Variants in CARMIL3 observed in about 807,000 individuals in gnomAD.
CARMIL3 encodes the protein capping protein, Arp2/3 and myosin-I linker protein 3.
Under a neutral mutation model 180.8 loss-of-function variants are expected in CARMIL3, and 88 were observed. The ratio of observed to expected loss-of-function variants is 0.49; its 90% CI spans 0.41 to 0.58. The LOEUF (loss-of-function observed/expected upper bound fraction) is 0.58. Among genes scored for constraint, CARMIL3 ranks in the 20% least tolerant of loss-of-function variants. The pLI is 0.00. For missense variants in CARMIL3, 1,548 were observed against 1,787.0 expected, an observed-to-expected ratio of 0.87 and a Z score of 2.41; for synonymous variants, 696 against 714.5, an observed-to-expected ratio of 0.97 and a Z score of 0.41.
In CARMIL3 at chr14:24,065,640, C is replaced by G. The variant is rs2035779239; in HGVS notation, c.3415C>G (p.Pro1139Ala). ...GTTCTAGGGCACTGAGGGGTCAGAG[C>G]CAGGGGAGGGGGGCCCAGCCCCTGG... ...RRKMGTEGSE[P>A]GEGGPAPGTA... Residue 1139 changes from proline (P) to alanine (A), a missense_variant, in exon 34 of 40, where the codon CCA (proline) becomes GCA (alanine). Coordinates refer to ENST00000342740, the MANE Select transcript of CARMIL3 (RefSeq NM_138360.4). 3.1e-6 allele frequency: 5 copies of G among 1,612,590 alleles called. No homozygotes were observed. The highest frequency in any genetic ancestry group is 4.2e-6 in the Non-Finnish European group (5 of 1,179,292).
chr14:24,067,668 C>G (rs544436847), intron 36 of CARMIL3, among the ~76,000 whole-genome samples: 1 of 152,398 alleles, frequency 6.6e-6, no homozygotes, highest in South Asian at 2.1e-4. Context: ...TTTTTCCATC[C>G]CATACACAGG....
rs189072924 is a variant in CARMIL3 at position 24,059,789 on chromosome 14, C to G, written c.1868+57C>G. 4.3e-4 allele frequency: 683 copies of G among 1,584,518 alleles called. 1 individual carries two copies. The highest frequency in any genetic ancestry group is 5.4e-4 in the Non-Finnish European group (623 of 1,154,472). ...GTCCCCAGCCTCCCTGTGCCTGGATCAGGCCTGAACTACTCTTGCCCCACC... is the reference window on the plus strand; with the variant it reads ...GTCCCCAGCCTCCCTGTGCCTGGATGAGGCCTGAACTACTCTTGCCCCACC... On this transcript the variant is annotated intron_variant, in intron 22 of 39. Coordinates refer to ENST00000342740, the MANE Select transcript of CARMIL3 (RefSeq NM_138360.4). This position sits in a 1 kb window ranked among gnomAD's most constrained non-coding sequence, Gnocchi z 6.3.
chr14:24,065,679 C>T lies in CARMIL3; in HGVS notation c.3454C>T (p.Pro1152Ser), dbSNP rs772711839. 1.5e-5 allele frequency: 24 copies of T among 1,613,884 alleles called. No homozygotes were observed. Among genetic ancestry groups the T allele is most frequent in the Non-Finnish European group, 1.9e-5 (23 of 1,179,950 alleles). The change falls in exon 34 of 40, where the codon CCA (proline) becomes TCA (serine). Residue 1152 changes from proline to serine, a missense_variant. Transcript: ENST00000342740. ...GGPAPGTAQQPRVHGVALPGL... is the reference protein window; with the variant it reads ...GGPAPGTAQQSRVHGVALPGL... Reference sequence around the variant, plus strand: ...CCCAGCCCCTGGGACAGCACAGCAGCCAAGGGTTCACGGTGTTGCCCTTCC... The same window carrying T: ...CCCAGCCCCTGGGACAGCACAGCAGTCAAGGGTTCACGGTGTTGCCCTTCC...
chr14:24,069,502 T>C lies in CARMIL3; in HGVS notation c.*98T>C, dbSNP rs1360392031. On this transcript the variant is annotated 3_prime_UTR_variant, in exon 40 of 40. Coordinates refer to ENST00000342740, the MANE Select transcript of CARMIL3 (RefSeq NM_138360.4). ...CCCCAGGGCCCCCTGCCAGCCCCTG[T>C]CCTACAGGGGCAAGACGGCAGGACC... The C allele has an allele frequency of 5.3e-6, 8 of 1,520,622 alleles. No homozygotes were observed. The highest frequency in any genetic ancestry group is 1.2e-5 in the South Asian group (1 of 86,424). 94.2% of individuals were successfully genotyped at this position (1,520,622 alleles called of 1,614,324 possible).
At chr14:24,064,558 G>C (rs2035765935) in intron 32 of CARMIL3, among the ~76,000 whole-genome samples, 1 of 152,212 alleles carries the variant, frequency 6.6e-6, no homozygotes, top group Admixed American at 6.5e-5. Context: ...AATGGGGCCA[G>C]AGTGAACCAC....
chr14:24,065,290 G>A lies in CARMIL3; in HGVS notation c.3396+17G>A, dbSNP rs755569490. ...CGGAAGATGGTAAGTGAGGCAGGGG[G>A]TGCTGTGTCTTCCCCTTTTCCTGCC... On this transcript the variant is annotated intron_variant, in intron 33 of 39. Coordinates refer to ENST00000342740, the MANE Select transcript of CARMIL3 (RefSeq NM_138360.4). The A allele has an allele frequency of 6.6e-7, 1 of 1,506,246 alleles. No individual in the cohort carries two copies. 93.3% of individuals were successfully genotyped at this position (1,506,246 alleles called of 1,614,324 possible).
chr14:24,053,079 CACTAT>C (rs1163894954), intron 1 of CARMIL3, among the ~76,000 whole-genome samples: 22 of 152,140 alleles, frequency 1.4e-4, no homozygotes, highest in African/African-American at 5.1e-4. Context: ...CACACACACA[CACTAT>C]ATCTGGGTGG....
chr14:24,059,018 C>T lies in CARMIL3; in HGVS notation c.1571+32C>T. 1.2e-6 allele frequency: 2 copies of T among 1,610,994 alleles called. No homozygotes were observed. The highest frequency in any genetic ancestry group is 2.2e-5 in the South Asian group (2 of 90,750). On this transcript the variant is annotated intron_variant, in intron 19 of 39. Transcript: ENST00000342740. This position sits in a 1 kb window ranked among gnomAD's most constrained non-coding sequence, Gnocchi z 6.3. ...CCCCCTTTCCATGCCCACAGACCCT[C>T]ATCCCATCATTCACCCATCCTCTTG...
chr14:24,067,490 G>A (rs149224181), intron 36 of CARMIL3, among the ~76,000 whole-genome samples: 6 of 152,372 alleles, frequency 3.9e-5, no homozygotes, highest in East Asian at 1.9e-4. Context: ...AGAGCTGAGC[G>A]GGCTGGTCTG....
In CARMIL3 at chr14:24,065,623, G is replaced by C; in HGVS notation, c.3398G>C (p.Gly1133Ala). The C allele has an allele frequency of 6.2e-7, 1 of 1,610,608 alleles. No homozygotes were observed. Among genetic ancestry groups the C allele is most frequent in the Non-Finnish European group, 8.5e-7 (1 of 1,178,568 alleles). The change falls in exon 34 of 40, where the codon GGC (glycine) becomes GCC (alanine). Residue 1133 changes from glycine to alanine, a missense_variant and splice_region_variant. Gly to Ala is a moderately conservative substitution (Grantham distance 60). Coordinates refer to ENST00000342740, the MANE Select transcript of CARMIL3 (RefSeq NM_138360.4). ...GRGPSFRRKMGTEGSEPGEGG... is the reference protein window; with the variant it reads ...GRGPSFRRKMATEGSEPGEGG... ...AATAAATAAGAGACCTTGTTCTAGG[G>C]CACTGAGGGGTCAGAGCCAGGGGAG...
At chr14:24,056,059 G>C (rs2138711912) in intron 10 of CARMIL3, among the ~76,000 whole-genome samples, 1 of 152,274 alleles carries the variant, frequency 6.6e-6, no homozygotes, top group East Asian at 1.9e-4. Flanking sequence ...AGGGTGGGCT[G>C]CTCCAGTCTT....
At position 24,069,656 on chromosome 14, in the gene CARMIL3, G is replaced by A. The variant is rs1032392267; in HGVS notation, c.*252G>A. ...GGGTGGGGGCTTATCTCCTCCCCCA[G>A]GAGGGTGGATCTCTGTCCCTCTATC... On this transcript the variant is annotated 3_prime_UTR_variant, in exon 40 of 40. Transcript: ENST00000342740. 13 of 570,238 alleles carry A rather than the reference G, an allele frequency of 2.3e-5. No homozygotes were observed. In the Admixed American group the frequency reaches 3.1e-4, roughly 14 times the overall value. 35.3% of individuals were successfully genotyped at this position (570,238 alleles called of 1,614,324 possible).
intron 14 of CARMIL3, 57 bp from the exon 15 acceptor site, chr14:24,057,746 C>T: frequency 6.8e-7 from 1 of 1,472,510 alleles, no homozygotes; most frequent in Non-Finnish European, 9.3e-7. Flanking sequence ...GAGTCCTTTC[C>T]TGCCACCCCC....
Position 24,066,667 on chromosome 14 carries a change from C to T in CARMIL3, c.3682+11C>T. 3 of 1,613,182 alleles carry T rather than the reference C, an allele frequency of 1.9e-6. No homozygotes were observed. Among genetic ancestry groups the T allele is most frequent in the Non-Finnish European group, 2.5e-6 (3 of 1,179,258 alleles). On this transcript the variant is annotated intron_variant, in intron 36 of 39. Coordinates refer to ENST00000342740, the MANE Select transcript of CARMIL3 (RefSeq NM_138360.4). ...CCACATGGCACATAGGTATGGAAAG[C>T]CTCTTTTCAGGCAGCAGTACTGAAA... is the stretch of plus-strand genomic sequence containing the variant.
At chr14:24,066,497 C>T in intron 35 of CARMIL3, 33 bp downstream of exon 35, 1 of 1,613,878 alleles carries the variant, frequency 6.2e-7, no homozygotes, top group Non-Finnish European at 8.5e-7. Flanking sequence ...CCCTTTTGGA[C>T]CCCTCTCTCA....
In CARMIL3 at chr14:24,058,962, G is replaced by T; in HGVS notation, c.1547G>T (p.Gly516Val). Residue 516 changes from glycine to valine, a missense_variant, in exon 19 of 40, where the codon GGC (glycine) becomes GTC (valine). Gly to Val is a moderately radical substitution (Grantham distance 109, BLOSUM62 -3). This residue lies in a region of CARMIL3 where 578 missense variants were observed against 666.5 expected (regional missense o/e 0.87). Coordinates refer to ENST00000342740, the MANE Select transcript of CARMIL3 (RefSeq NM_138360.4). This position sits in a 1 kb window ranked among gnomAD's most constrained non-coding sequence, Gnocchi z 6.4. ...KNKSLKHLFL[G>V]KNFNVKAKTL... ...AAGTCCCTCAAGCACCTGTTTTTGGGCAAGAACTTCAATGTCAAGGCCAAG... is the reference window on the plus strand; with the variant it reads ...AAGTCCCTCAAGCACCTGTTTTTGGTCAAGAACTTCAATGTCAAGGCCAAG... The T allele has an allele frequency of 2.5e-6, 4 of 1,614,170 alleles. No homozygotes were observed. Among genetic ancestry groups the T allele is most frequent in the Non-Finnish European group, 2.5e-6 (3 of 1,180,044 alleles).
intron 36 of CARMIL3, among the ~76,000 whole-genome samples, chr14:24,068,200 A>C (rs2035809361): frequency 6.6e-6 from 1 of 152,128 alleles, no homozygotes; most frequent in Non-Finnish European, 1.5e-5. Context: ...AGATCGAGAC[A>C]ATCCTGGCCA....
At chr14:24,067,391 A>G (rs773742003) in intron 36 of CARMIL3, among the ~76,000 whole-genome samples, 1 of 152,260 alleles carries the variant, frequency 6.6e-6, no homozygotes, top group African/African-American at 2.4e-5. Flanking sequence ...CAATATTGAC[A>G]TAGACAAAAT....
In CARMIL3 at chr14:24,058,682, C is replaced by T. The variant is rs1343303286; in HGVS notation, c.1395C>T (p.Leu465=). ...CCTACCTCACCTTGTCCCTGCAGCTCCGTTCAGCGGGAGCCCAAGCCTTGC... is the reference window on the plus strand; with the variant it reads ...CCTACCTCACCTTGTCCCTGCAGCTTCGTTCAGCGGGAGCCCAAGCCTTGC... ...DLHLDLSSCE[L]RSAGAQALQE... The change falls in exon 18 of 40, where the codon CTC becomes CTT. Residue 465 remains leucine, a splice_region_variant and synonymous_variant. Transcript: ENST00000342740. The surrounding 1 kb of genome is among the most constrained non-coding windows in gnomAD (Gnocchi z 6.4). 1 of 1,613,844 alleles carries T rather than the reference C, an allele frequency of 6.2e-7. No homozygotes were observed. The highest frequency in any genetic ancestry group is 8.5e-7 in the Non-Finnish European group (1 of 1,179,976).
Sources: gnomAD v4.1 joint callset for allele counts (sites outside exome capture counted in the v4.1 genomes callset) on GRCh38, gnomAD v4.1.1 for gene constraint, gnomAD v4.1.1 regional missense constraint, Gnocchi (gnomAD v3.1) non-coding constraint, MANE v1.5 for transcripts, NCBI Gene and HGNC (gene_info 2026-07-23, HGNC 2026-07-21) for gene names.